The following LRBA variants were observed in gnomAD, a reference collection of about 807,000 sequenced individuals.
The protein encoded by LRBA is LPS responsive beige-like anchor protein, also known as lipopolysaccharide-responsive and beige-like anchor protein.
A neutral mutation model predicts 330.0 loss-of-function variants in LRBA; 176 were observed. That is an observed-to-expected ratio of 0.53 (90% CI 0.47 to 0.60). LRBA has a LOEUF of 0.60. LRBA is among the 20% of genes least tolerant of loss of function. The pLI is 0.00. For missense variants in LRBA, 3,259 were observed against 3,444.8 expected, an observed-to-expected ratio of 0.95 and a Z score of 1.35; for synonymous variants, 1,230 against 1,193.0, an observed-to-expected ratio of 1.03 and a Z score of -0.64.
At chr4:150,654,343 T>A (rs1023737322) in intron 37 of LRBA, among the ~76,000 whole-genome samples, 1 of 152,056 alleles carries the variant, frequency 6.6e-6, no homozygotes, top group African/African-American at 2.4e-5. Context: ...CCTGCCACCA[T>A]GCCTGGCTAA....
intron 20 of LRBA, 45 bp from the exon 21 acceptor site, chr4:150,868,350 A>C (rs779475881): frequency 3.5e-6 from 5 of 1,436,170 alleles, no homozygotes; most frequent in Non-Finnish European, 4.7e-6. Context: ...CTCAACAAAA[A>C]ACTCATGATA....
At chr4:150,369,645 A>T (rs1162305947) in intron 47 of LRBA, among the ~76,000 whole-genome samples, 1 of 151,674 alleles carries the variant, frequency 6.6e-6, no homozygotes, top group African/African-American at 2.4e-5. Flanking sequence ...CAGAATTTTA[A>T]CTTTAGATTC....
intron 36 of LRBA, among the ~76,000 whole-genome samples, chr4:150,693,407 C>A (rs1400527505): frequency 6.7e-6 from 1 of 150,146 alleles, no homozygotes; most frequent in African/African-American, 2.4e-5. Context: ...ACTAAAAATA[C>A]AAAAAAATTA....
At chr4:150,894,825 AT>A (rs1729884663) in intron 16 of LRBA, among the ~76,000 whole-genome samples, 1 of 152,214 alleles carries the variant, frequency 6.6e-6, no homozygotes, top group Non-Finnish European at 1.5e-5. Context: ...ACAAAATCAC[AT>A]ATATAGATCA....
intron 11 of LRBA, among the ~76,000 whole-genome samples, 192 bp downstream of exon 11, chr4:150,908,142 C>T (rs556784811): frequency 1.6e-4 from 24 of 152,172 alleles, no homozygotes; most frequent in African/African-American, 5.3e-4. Context: ...CTTACAGCTT[C>T]CATATTTCCT....
At chr4:150,393,392 C>T (rs1744277887) in intron 47 of LRBA, among the ~76,000 whole-genome samples, 1 of 149,920 alleles carries the variant, frequency 6.7e-6, no homozygotes, top group Non-Finnish European at 1.5e-5. Flanking sequence ...TAAACTCTTT[C>T]TCCCCCCCAC....
chr4:150,906,970 C>T (rs1019522698), intron 11 of LRBA, among the ~76,000 whole-genome samples: 1 of 151,596 alleles, frequency 6.6e-6, no homozygotes, highest in African/African-American at 2.4e-5. Context: ...GAAGTTTGTT[C>T]ATTATCCCAA....
At chr4:150,856,914 CA>C (rs929224722) in intron 22 of LRBA, among the ~76,000 whole-genome samples, 1 of 152,088 alleles carries the variant, frequency 6.6e-6, no homozygotes, top group Non-Finnish European at 1.5e-5. Context: ...CCATTATTTT[CA>C]ACTTAATTGG....
chr4:150,885,346 C>T (rs1024709914), intron 17 of LRBA, among the ~76,000 whole-genome samples: 2 of 152,096 alleles, frequency 1.3e-5, no homozygotes, highest in South Asian at 2.1e-4. Flanking sequence ...ACCACTAGGC[C>T]GGGCACAGTG....
intron 36 of LRBA, among the ~76,000 whole-genome samples, chr4:150,727,225 C>T (rs980711632): frequency 6.6e-6 from 1 of 151,928 alleles, no homozygotes; most frequent in Non-Finnish European, 1.5e-5. Flanking sequence ...AGGTGCATGC[C>T]ACCACACTCA....
In LRBA at chr4:150,858,952, A is replaced by T. The variant is rs1335235309; in HGVS notation, c.2767-6009T>A. ...ATTTAAAAAATAATTTTAATAAACC[A>T]ATTAGAGAATTCTTTAAAAAAAAAT... On this transcript the variant is annotated intron_variant, in intron 22 of 56. Coordinates refer to ENST00000651943, the MANE Select transcript of LRBA (RefSeq NM_001364905.1). Among the ~76,000 whole-genome samples, 4 of 152,246 alleles carry T rather than the reference A, an allele frequency of 2.6e-5. No individual in the cohort carries two copies. In the South Asian group the frequency reaches 6.2e-4, roughly 24 times the overall value.
intron 37 of LRBA, among the ~76,000 whole-genome samples, chr4:150,641,471 G>T (rs1778673494): frequency 1.3e-5 from 2 of 152,012 alleles, no homozygotes; most frequent in South Asian, 4.2e-4. Flanking sequence ...ATGTCATGAT[G>T]GAAATAATGT....
intron 4 of LRBA, among the ~76,000 whole-genome samples, chr4:150,927,360 G>A (rs62344604): frequency 5.0e-3 from 734 of 147,526 alleles, no homozygotes; most frequent in Non-Finnish European, 8.8e-3. Flanking sequence ...GCAACAGAGC[G>A]AGACTCTGCC....
At chr4:150,833,570 T>C (rs1027811532) in intron 28 of LRBA, among the ~76,000 whole-genome samples, 7 of 152,294 alleles carry the variant, frequency 4.6e-5, no homozygotes, top group Non-Finnish European at 7.4e-5. Flanking sequence ...AATCTATTAA[T>C]TGTACAACAG....
chr4:150,355,245 C>A (rs749725941), intron 47 of LRBA, among the ~76,000 whole-genome samples: 5 of 151,856 alleles, frequency 3.3e-5, no homozygotes, highest in Non-Finnish European at 7.4e-5. Flanking sequence ...TTTCAAAAAA[C>A]CAAATTTTTG....
At chr4:150,670,894 T>G (rs1781988820) in intron 37 of LRBA, among the ~76,000 whole-genome samples, 1 of 152,136 alleles carries the variant, frequency 6.6e-6, no homozygotes, top group Middle Eastern at 3.2e-3. Context: ...AGGATACATA[T>G]AAAGGAATTT....
intron 40 of LRBA, among the ~76,000 whole-genome samples, chr4:150,512,554 A>T (rs1313722479): frequency 6.6e-6 from 1 of 152,068 alleles, no homozygotes; most frequent in African/African-American, 2.4e-5. Flanking sequence ...GGATAGAATC[A>T]GGAGTCAGCA....
intron 31 of LRBA, among the ~76,000 whole-genome samples, chr4:150,811,543 C>T (rs1743736045): frequency 6.6e-6 from 1 of 152,072 alleles, no homozygotes; most frequent in Non-Finnish European, 1.5e-5. Context: ...TGCTCTATTG[C>T]CCAGGCTGGA....
chr4:150,476,623 G>A (rs923222574), intron 42 of LRBA, among the ~76,000 whole-genome samples: 2 of 152,078 alleles, frequency 1.3e-5, no homozygotes, highest in Admixed American at 6.6e-5. Flanking sequence ...CCTGGTAGCT[G>A]TTATAACCCC....
Sources: allele counts gnomAD v4.1 joint callset (sites outside exome capture counted in the v4.1 genomes callset), GRCh38; gene constraint gnomAD v4.1.1; transcripts MANE v1.5; gene names NCBI Gene and HGNC (gene_info 2026-07-23, HGNC 2026-07-21).